Variants in TASP1 observed in about 807,000 individuals in gnomAD.
The protein encoded by TASP1 is taspase 1, also known as threonine aspartase 1.
In TASP1, 16 loss-of-function variants were observed where a neutral mutation model predicts 56.6. The observed-to-expected ratio is 0.28, with a 90% CI of 0.19 to 0.43. The LOEUF (loss-of-function observed/expected upper bound fraction) is 0.43. Among genes scored for constraint, TASP1 ranks in the 20% least tolerant of loss-of-function variants. The pLI, the probability that TASP1 is intolerant of heterozygous loss-of-function variation, is 1.00. For synonymous variants in TASP1, 179 were observed against 184.2 expected (o/e 0.97, Z 0.23); for missense variants, 393 against 511.6 (o/e 0.77, Z 2.24).
chr20:13,534,828 C>T (rs142245305), intron 8 of TASP1, among the ~76,000 whole-genome samples: 69 of 152,204 alleles, frequency 4.5e-4, no homozygotes, highest in African/African-American at 1.4e-3. Flanking sequence ...GACTATGAGC[C>T]GCTGTCTCCT....
At chr20:13,276,241 C>A in the TASP1 span, among the ~76,000 whole-genome samples, 5 of 152,162 alleles carry the variant, frequency 3.3e-5, no homozygotes, top group Non-Finnish European at 5.9e-5. Flanking sequence ...AGAGGACCAA[C>A]AAGCAAGAAG....
At chr20:13,334,366 T>C in the TASP1 span, among the ~76,000 whole-genome samples, 1 of 152,242 alleles carries the variant, frequency 6.6e-6, no homozygotes, top group Non-Finnish European at 1.5e-5. Context: ...TTTTGAAATG[T>C]GTAGGACTGT....
At chr20:13,542,233 C>A (rs1568563127) in intron 8 of TASP1, among the ~76,000 whole-genome samples, 1 of 151,968 alleles carries the variant, frequency 6.6e-6, no homozygotes, top group Admixed American at 6.6e-5. Context: ...AACAATGAAA[C>A]TATGTTAACA....
chr20:13,530,031 C>T (rs1189833988), intron 9 of TASP1, among the ~76,000 whole-genome samples: 1 of 152,158 alleles, frequency 6.6e-6, no homozygotes, highest in Non-Finnish European at 1.5e-5. Flanking sequence ...TAACCTCCCC[C>T]AGAAAGTCCT....
At chr20:13,322,866 C>T in the TASP1 span, among the ~76,000 whole-genome samples, 1 of 152,168 alleles carries the variant, frequency 6.6e-6, no homozygotes, top group Non-Finnish European at 1.5e-5. Context: ...AAGCTCACAC[C>T]TCTCCCCACC....
intron 13 of TASP1, 44 bp downstream of exon 13, chr20:13,417,404 A>G (rs1203067135): frequency 6.2e-7 from 1 of 1,608,208 alleles, no homozygotes; most frequent in African/African-American, 1.3e-5. Flanking sequence ...GGTTTATGCG[A>G]TGGCTACAAG....
At chr20:13,213,473 A>C in the TASP1 span, among the ~76,000 whole-genome samples, 1 of 152,206 alleles carries the variant, frequency 6.6e-6, no homozygotes, top group Non-Finnish European at 1.5e-5. Context: ...TTTTGATTGC[A>C]GCAGACAAAA....
intron 10 of TASP1, among the ~76,000 whole-genome samples, chr20:13,485,605 G>C (rs1394907161): frequency 6.6e-6 from 1 of 152,114 alleles, no homozygotes; most frequent in Non-Finnish European, 1.5e-5. Context: ...GGAAGATCTA[G>C]ATACATAAGT....
chr20:13,605,364 T>C (rs1046021276), intron 4 of TASP1, among the ~76,000 whole-genome samples: 5 of 152,198 alleles, frequency 3.3e-5, no homozygotes, highest in Non-Finnish European at 7.3e-5. Context: ...AAAAAAGTAG[T>C]ATACCTATTA....
chr20:13,154,216 T>C, the TASP1 span: 1 of 1,563,756 alleles, frequency 6.4e-7, no homozygotes, highest in Non-Finnish European at 8.7e-7. Flanking sequence ...AGGCGTTAGA[T>C]TATGCATCTG....
At chr20:13,408,270 T>C (rs941945043) in intron 13 of TASP1, among the ~76,000 whole-genome samples, 1 of 152,188 alleles carries the variant, frequency 6.6e-6, no homozygotes, top group African/African-American at 2.4e-5. Flanking sequence ...TTATTTTACA[T>C]GTGGATATCC....
intron 11 of TASP1, among the ~76,000 whole-genome samples, chr20:13,464,449 A>G (rs1324575601): frequency 3.3e-5 from 5 of 152,192 alleles, no homozygotes; most frequent in Non-Finnish European, 7.4e-5. Context: ...TGAGCCACCC[A>G]GTCTATGGTA....
At chr20:13,563,681 T>G (rs1487798514) in intron 7 of TASP1, among the ~76,000 whole-genome samples, 2 of 151,856 alleles carry the variant, frequency 1.3e-5, no homozygotes, top group African/African-American at 2.4e-5. Context: ...TTTTTTTTTT[T>G]TTTAACAGAG....
chr20:13,360,608 G>A, the TASP1 span, among the ~76,000 whole-genome samples: 10 of 152,176 alleles, frequency 6.6e-5, no homozygotes, highest in Admixed American at 2.0e-4. Flanking sequence ...AGCAGCTGCC[G>A]CTGCTTTAAT....
chr20:13,446,573 C>G (rs1439464893), intron 11 of TASP1, among the ~76,000 whole-genome samples: 1 of 152,012 alleles, frequency 6.6e-6, no homozygotes, highest in Non-Finnish European at 1.5e-5. Flanking sequence ...GATGTAAGTA[C>G]CATCAAGAGT....
At chr20:13,594,018 A>AGCAATATTTGCCATTCT in intron 4 of TASP1, among the ~76,000 whole-genome samples, 1 of 152,220 alleles carries the variant, frequency 6.6e-6, no homozygotes, top group Non-Finnish European at 1.5e-5. Flanking sequence ...AGGATCAGGT[A>AGCAATATTTGCCATTCT]GCAATATTTG....
intron 4 of TASP1, among the ~76,000 whole-genome samples, chr20:13,610,404 A>C (rs1600158733): frequency 6.6e-6 from 1 of 152,178 alleles, no homozygotes; most frequent in Admixed American, 6.5e-5. Context: ...TGAAGGGGGC[A>C]CAAGGGGCCT....
intron 7 of TASP1, among the ~76,000 whole-genome samples, chr20:13,563,645 T>C (rs2046422195): frequency 6.7e-6 from 1 of 150,134 alleles, no homozygotes; most frequent in Non-Finnish European, 1.5e-5. Flanking sequence ...ATTAACAGGA[T>C]GAAGGGAAAA....
chr20:13,198,686 G>C, the TASP1 span, among the ~76,000 whole-genome samples: 2 of 152,058 alleles, frequency 1.3e-5, no homozygotes, highest in African/African-American at 4.8e-5. Flanking sequence ...TCTGATAAAG[G>C]GTAACTTTGT....
Sources: gnomAD v4.1 joint callset for allele counts (sites outside exome capture counted in the v4.1 genomes callset) on GRCh38, gnomAD v4.1.1 for gene constraint, MANE v1.5 for transcripts, NCBI Gene and HGNC (gene_info 2026-07-23, HGNC 2026-07-21) for gene names.